The following KLF12 variants were observed in gnomAD, a reference collection of about 807,000 sequenced individuals.
KLF12 encodes the protein Krueppel-like factor 12.
A neutral mutation model predicts 37.8 loss-of-function variants in KLF12; 9 were observed. That is an observed-to-expected ratio of 0.24 (90% CI 0.14 to 0.42). The LOEUF (loss-of-function observed/expected upper bound fraction) is 0.42. Among genes scored for constraint, KLF12 ranks in the 10% least tolerant of loss-of-function variants. The pLI, the probability that KLF12 is intolerant of heterozygous loss-of-function variation, is 1.00. For synonymous variants in KLF12, 208 were observed against 202.1 expected (o/e 1.03, Z -0.25); for missense variants, 411 against 516.0 (o/e 0.80, Z 1.97).
intron 2 of KLF12, among the ~76,000 whole-genome samples, chr13:73,976,215 C>T (rs943362511): frequency 6.6e-6 from 1 of 151,888 alleles, no homozygotes; most frequent in Non-Finnish European, 1.5e-5. Context: ...CTCTCTAAAG[C>T]AACAAGTATG....
chr13:73,869,954 GGT>G (rs1411856936), intron 3 of KLF12, among the ~76,000 whole-genome samples: 5 of 152,244 alleles, frequency 3.3e-5, no homozygotes, highest in African/African-American at 1.2e-4. Flanking sequence ...TTCTCGACAT[GGT>G]TTTCATGTCT....
the KLF12 span, among the ~76,000 whole-genome samples, chr13:74,292,020 A>G: frequency 6.6e-6 from 1 of 152,214 alleles, no homozygotes; most frequent in Non-Finnish European, 1.5e-5. Context: ...ATTCAACGAG[A>G]TGCTCACTGT....
At chr13:74,100,267 C>A (rs1206380302) in intron 1 of KLF12, among the ~76,000 whole-genome samples, 1 of 152,148 alleles carries the variant, frequency 6.6e-6, no homozygotes, top group African/African-American at 2.4e-5. Context: ...CTACAGAGAA[C>A]CCTGAACTGC....
intron 1 of KLF12, among the ~76,000 whole-genome samples, chr13:74,066,845 A>G (rs1389489988): frequency 1.3e-5 from 2 of 152,198 alleles, no homozygotes; most frequent in African/African-American, 4.8e-5. Flanking sequence ...ACTAGTAGTC[A>G]ACTCTTAAAA....
chr13:73,831,028 A>ACACACACACACACACACACACG, intron 4 of KLF12, among the ~76,000 whole-genome samples: 1 of 148,238 alleles, frequency 6.7e-6, no homozygotes, highest in African/African-American at 2.5e-5. Context: ...ACACACACGC[A>ACACACACACACACACACACACG]TACTTATTTT....
chr13:73,760,370 GA>G (rs1879470422), intron 6 of KLF12, among the ~76,000 whole-genome samples: 1 of 152,118 alleles, frequency 6.6e-6, no homozygotes, highest in African/African-American at 2.4e-5. Flanking sequence ...GCCCAGGCTG[GA>G]ATGAGGTGGC....
chr13:73,845,051 A>C (rs1884940169), intron 4 of KLF12: 1 of 152,190 alleles, frequency 6.6e-6, no homozygotes, highest in Admixed American at 6.5e-5. Context: ...AAAAGAACTT[A>C]GAAGAAGAAA....
At chr13:73,818,405 A>G (rs74095764) in intron 4 of KLF12, among the ~76,000 whole-genome samples, 2,754 of 152,304 alleles carry the variant, frequency 0.018, 81 homozygotes, top group African/African-American at 0.062. Context: ...GGTATATTTC[A>G]TGTTTTTTCT....
chr13:74,182,476 G>T, the KLF12 span, among the ~76,000 whole-genome samples: 1 of 152,180 alleles, frequency 6.6e-6, no homozygotes, highest in African/African-American at 2.4e-5. Flanking sequence ...TCTGCCTCAG[G>T]CCATTGTATA....
chr13:73,733,153 A>C (rs1248558836), intron 6 of KLF12, among the ~76,000 whole-genome samples: 1 of 152,200 alleles, frequency 6.6e-6, no homozygotes, highest in African/African-American at 2.4e-5. Flanking sequence ...TGAAATATAC[A>C]TAGCATGAAA....
At chr13:73,730,700 A>T (rs1272882269) in intron 6 of KLF12, among the ~76,000 whole-genome samples, 1 of 152,076 alleles carries the variant, frequency 6.6e-6, no homozygotes, top group Admixed American at 6.5e-5. Context: ...TGGTATGTGG[A>T]TGTGTCGGTG....
intron 4 of KLF12, among the ~76,000 whole-genome samples, chr13:73,817,959 C>T (rs1024057993): frequency 6.6e-6 from 1 of 152,186 alleles, no homozygotes; most frequent in Non-Finnish European, 1.5e-5. Context: ...AAGAACCAAC[C>T]TTGTTTTAGT....
intron 4 of KLF12, among the ~76,000 whole-genome samples, chr13:73,831,655 A>C (rs1386986577): frequency 6.6e-6 from 1 of 152,168 alleles, no homozygotes; most frequent in Non-Finnish European, 1.5e-5. Context: ...TTCTTGTTTT[A>C]ATAATAATTT....
the KLF12 span, among the ~76,000 whole-genome samples, chr13:74,227,290 G>A: frequency 6.6e-6 from 1 of 152,064 alleles, no homozygotes; most frequent in Non-Finnish European, 1.5e-5. Context: ...GCAGAGTGTT[G>A]TACCCCTGTC....
intron 4 of KLF12, among the ~76,000 whole-genome samples, chr13:73,831,536 T>C (rs1594143314): frequency 1.3e-5 from 2 of 152,234 alleles, no homozygotes; most frequent in African/African-American, 4.8e-5. Context: ...TAATGGTCAT[T>C]ATTTCAAAAG....
chr13:73,843,026 T>TA (rs1162743798), intron 4 of KLF12, among the ~76,000 whole-genome samples: 1 of 152,192 alleles, frequency 6.6e-6, no homozygotes, highest in African/African-American at 2.4e-5. Context: ...TATAAACTAA[T>TA]AAAAATAGAA....
chr13:73,713,357 G>A (rs949159016), intron 7 of KLF12, among the ~76,000 whole-genome samples: 9 of 152,210 alleles, frequency 5.9e-5, no homozygotes, highest in African/African-American at 1.4e-4. Context: ...TTTAAGGAGA[G>A]TTGGTTAAAC....
At chr13:74,283,293 T>C in the KLF12 span, among the ~76,000 whole-genome samples, 5,238 of 152,308 alleles carry the variant, frequency 0.034, 295 homozygotes, top group African/African-American at 0.12. Context: ...GCAAGTAAGA[T>C]GCTTTCCTTT....
At chr13:74,194,292 A>G in the KLF12 span, among the ~76,000 whole-genome samples, 2 of 152,228 alleles carry the variant, frequency 1.3e-5, no homozygotes, top group African/African-American at 4.8e-5. Flanking sequence ...AGAATTTCTC[A>G]ACTGCTTCTC....
Sources: allele counts gnomAD v4.1 joint callset (sites outside exome capture counted in the v4.1 genomes callset), GRCh38; gene constraint gnomAD v4.1.1; transcripts MANE v1.5; gene names NCBI Gene and HGNC (gene_info 2026-07-23, HGNC 2026-07-21).